Variants in KCNMA1 observed in about 807,000 individuals in gnomAD.
KCNMA1 encodes potassium calcium-activated channel subfamily M alpha 1, also known as Calcium-activated potassium channel subunit alpha-1.
KCNMA1 carries 29 observed loss-of-function variants against 140.0 expected under a neutral mutation model. That is an observed-to-expected ratio of 0.21 (90% CI 0.15 to 0.28). The LOEUF (loss-of-function observed/expected upper bound fraction) is 0.28. Among genes scored for constraint, KCNMA1 ranks in the 10% least tolerant of loss-of-function variants. KCNMA1 has a pLI of 1.00. For missense variants in KCNMA1, 880 were observed against 1,602.2 expected (o/e 0.55, Z 7.70); for synonymous variants, 612 against 611.9 (o/e 1.00, Z 0.00).
intron 18 of KCNMA1, among the ~76,000 whole-genome samples, chr10:77,005,542 G>A (rs2088189884): frequency 6.6e-6 from 1 of 152,140 alleles, no homozygotes; most frequent in Non-Finnish European, 1.5e-5. Flanking sequence ...CTTAACTCTA[G>A]GAAAGCAGAA....
chr10:77,000,056 T>A (rs1392483891), intron 19 of KCNMA1, among the ~76,000 whole-genome samples: 2 of 152,178 alleles, frequency 1.3e-5, no homozygotes, highest in Non-Finnish European at 2.9e-5. Flanking sequence ...TCAAGCCAGT[T>A]CATTTTCCAT....
intron 5 of KCNMA1, among the ~76,000 whole-genome samples, chr10:77,176,444 C>T (rs61867042): frequency 0.042 from 6,442 of 152,198 alleles, 198 homozygotes; most frequent in Non-Finnish European, 0.067. Flanking sequence ...TAGTAACTCA[C>T]CTGTTCCCAT....
At chr10:77,505,602 T>C (rs1046159111) in intron 1 of KCNMA1, among the ~76,000 whole-genome samples, 1 of 152,148 alleles carries the variant, frequency 6.6e-6, no homozygotes, top group African/African-American at 2.4e-5. Flanking sequence ...TGAGTGGAAT[T>C]TCAGGATACA....
At chr10:77,045,053 G>A (rs1324053980) in intron 14 of KCNMA1, among the ~76,000 whole-genome samples, 1 of 152,194 alleles carries the variant, frequency 6.6e-6, no homozygotes, top group Non-Finnish European at 1.5e-5. Context: ...CTAGCTGAAA[G>A]GGCGGTTCAA....
At position 77,268,246 on chromosome 10, in the gene KCNMA1, G is replaced by A. The variant is rs1453263720; in HGVS notation, c.541-16990C>T. Among the ~76,000 whole-genome samples, 3 of 152,096 alleles carry A rather than the reference G, an allele frequency of 2.0e-5. No homozygotes were observed. The East Asian group carries it at 5.8e-4, about 29-fold the overall frequency. ...ACTCTAGGAGAGTTTCTAGTTCTCT[G>A]TTTAGTAACCTGATATACCAGCAGG... On this transcript the variant is annotated intron_variant, in intron 2 of 27. Coordinates refer to ENST00000286628, the MANE Select transcript of KCNMA1 (RefSeq NM_001161352.2).
chr10:77,496,440 C>T (rs2041951666), intron 1 of KCNMA1, among the ~76,000 whole-genome samples: 1 of 151,578 alleles, frequency 6.6e-6, no homozygotes, highest in Non-Finnish European at 1.5e-5. Context: ...ACTAAAAATA[C>T]AAAAAAATTA....
Position 77,402,764 on chromosome 10 carries a change from C to T in KCNMA1, c.540+1098G>A, listed in dbSNP as rs185443155. Reference sequence around the variant, plus strand: ...AGAGATAATGACTGTTTTCCAGTGTCCCTGCCTGGTCTTTGAGCCTCGCAG... The same window carrying T: ...AGAGATAATGACTGTTTTCCAGTGTTCCTGCCTGGTCTTTGAGCCTCGCAG... On this transcript the variant is annotated intron_variant, in intron 2 of 27. Transcript: ENST00000286628. Among the ~76,000 whole-genome samples, 458 of 152,310 alleles carry T rather than the reference C, an allele frequency of 3.0e-3. 1 individual carries two copies. The highest frequency in any genetic ancestry group is 1.9e-3 in the Non-Finnish European group (131 of 68,028).
chr10:77,460,931 C>T (rs187321375), intron 1 of KCNMA1, among the ~76,000 whole-genome samples: 44 of 152,176 alleles, frequency 2.9e-4, no homozygotes, highest in Middle Eastern at 3.4e-3. Flanking sequence ...CACGGTGAAA[C>T]CCCATCTCTA....
intron 2 of KCNMA1, among the ~76,000 whole-genome samples, chr10:77,316,533 G>A (rs1339974214): frequency 6.6e-6 from 1 of 152,178 alleles, no homozygotes; most frequent in Non-Finnish European, 1.5e-5. Context: ...CACCCTCAGA[G>A]TTTCTGATTC....
chr10:77,453,144 C>A (rs1281516494), intron 1 of KCNMA1, among the ~76,000 whole-genome samples: 2 of 152,054 alleles, frequency 1.3e-5, no homozygotes, highest in South Asian at 2.1e-4. Context: ...GGGATTCCAG[C>A]CTGACCTGTT....
intron 5 of KCNMA1, among the ~76,000 whole-genome samples, chr10:77,162,734 A>ACTT: frequency 6.6e-6 from 1 of 152,354 alleles, no homozygotes; most frequent in Middle Eastern, 3.4e-3. Context: ...AGGCAAATTA[A>ACTT]CTTAGAGACA....
intron 16 of KCNMA1, among the ~76,000 whole-genome samples, 164 bp downstream of exon 16, chr10:77,027,659 T>C (rs946794727): frequency 1.3e-5 from 2 of 152,184 alleles, no homozygotes; most frequent in East Asian, 3.9e-4. Context: ...AGCTGCAGTG[T>C]CTGATGGGGC....
chr10:76,888,595 A>G (rs190610613), intron 27 of KCNMA1, among the ~76,000 whole-genome samples: 6 of 152,328 alleles, frequency 3.9e-5, no homozygotes, highest in Admixed American at 3.9e-4. Flanking sequence ...TTTGCCTGCT[A>G]TGAATTTATT....
intron 9 of KCNMA1, among the ~76,000 whole-genome samples, chr10:77,096,334 C>T (rs367897856): frequency 6.6e-6 from 1 of 152,172 alleles, no homozygotes; most frequent in Non-Finnish European, 1.5e-5. Flanking sequence ...GATGAATCCT[C>T]ACACAGGGCT....
chr10:77,056,913 C>T (rs2095559454), intron 14 of KCNMA1, among the ~76,000 whole-genome samples: 1 of 152,018 alleles, frequency 6.6e-6, no homozygotes, highest in African/African-American at 2.4e-5. Context: ...CACACAGAGC[C>T]TCAGGGTCCT....
At chr10:77,480,041 G>A (rs372463145) in intron 1 of KCNMA1, among the ~76,000 whole-genome samples, 3 of 152,170 alleles carry the variant, frequency 2.0e-5, no homozygotes, top group East Asian at 1.9e-4. Context: ...GAGGAGAACC[G>A]TCTCATGGGC....
intron 1 of KCNMA1, among the ~76,000 whole-genome samples, chr10:77,453,931 G>A (rs778296512): frequency 2.1e-4 from 32 of 152,166 alleles, no homozygotes; most frequent in Non-Finnish European, 4.3e-4. Context: ...GCACCTGGTA[G>A]AGTACTGAGA....
intron 1 of KCNMA1, among the ~76,000 whole-genome samples, chr10:77,519,727 T>G (rs565697287): frequency 6.6e-6 from 1 of 152,314 alleles, no homozygotes; most frequent in East Asian, 1.9e-4. Context: ...CCTCAACAAT[T>G]AACACATCCC....
chr10:77,497,592 G>T (rs1043383408), intron 1 of KCNMA1, among the ~76,000 whole-genome samples: 1 of 152,122 alleles, frequency 6.6e-6, no homozygotes, highest in African/African-American at 2.4e-5. Flanking sequence ...AACTGGCAGG[G>T]GACCCAACCT....
Sources: gnomAD v4.1 joint callset for allele counts (sites outside exome capture counted in the v4.1 genomes callset) on GRCh38, gnomAD v4.1.1 for gene constraint, MANE v1.5 for transcripts, NCBI Gene and HGNC (gene_info 2026-07-23, HGNC 2026-07-21) for gene names.